PCDH15: variants seen among roughly 807,000 people sequenced by gnomAD.
PCDH15 encodes protocadherin related 15.
Under a neutral mutation model 178.5 loss-of-function variants are expected in PCDH15, and 129 were observed. The ratio of observed to expected loss-of-function variants is 0.72; its 90% CI spans 0.63 to 0.84. PCDH15 has a LOEUF of 0.84. Ranked by LOEUF, PCDH15 falls within the 40% of genes least tolerant of loss-of-function variation. The pLI is 0.00. For missense variants in PCDH15, 2,230 were observed against 2,099.9 expected, an observed-to-expected ratio of 1.06 and a Z score of -1.21; for synonymous variants, 800 against 732.0, an observed-to-expected ratio of 1.09 and a Z score of -1.50.
chr10:54,149,667 T>C (rs2044323593), intron 14 of PCDH15, among the ~76,000 whole-genome samples: 1 of 152,186 alleles, frequency 6.6e-6, no homozygotes, highest in Non-Finnish European at 1.5e-5. Context: ...TGCCTTTTAC[T>C]CAGAGTGAGG....
chr10:55,594,079 T>C (rs1419658648), intron 2 of PCDH15, among the ~76,000 whole-genome samples: 1 of 151,942 alleles, frequency 6.6e-6, no homozygotes, highest in East Asian at 1.9e-4. Context: ...TTCTCTATTC[T>C]TGTCAAATCC....
chr10:54,393,399 T>A (rs1187993139), intron 3 of PCDH15, among the ~76,000 whole-genome samples: 2 of 152,184 alleles, frequency 1.3e-5, no homozygotes, highest in Non-Finnish European at 2.9e-5. Context: ...TTTTTAGCAC[T>A]TACCATATCA....
chr10:55,433,845 A>G (rs1819811003), intron 2 of PCDH15, among the ~76,000 whole-genome samples: 1 of 151,956 alleles, frequency 6.6e-6, no homozygotes, highest in Admixed American at 6.6e-5. Flanking sequence ...TTTTGCTCAT[A>G]TGTACAACCC....
chr10:55,547,123 T>G (rs1841902054), intron 2 of PCDH15, among the ~76,000 whole-genome samples: 1 of 152,152 alleles, frequency 6.6e-6, no homozygotes, highest in African/African-American at 2.4e-5. Context: ...GATCAGTCAC[T>G]GGCAAGGAGC....
chr10:55,490,145 TA>T (rs1197991195), intron 2 of PCDH15, among the ~76,000 whole-genome samples: 4 of 151,760 alleles, frequency 2.6e-5, no homozygotes, highest in African/African-American at 9.7e-5. Flanking sequence ...GAAAGTGTTC[TA>T]TATAATCCTA....
intron 1 of PCDH15, among the ~76,000 whole-genome samples, chr10:55,233,304 T>C (rs1377984988): frequency 6.6e-6 from 1 of 152,142 alleles, no homozygotes; most frequent in Non-Finnish European, 1.5e-5. Flanking sequence ...TTCAGTTTTG[T>C]TTAACCGTGG....
intron 3 of PCDH15, among the ~76,000 whole-genome samples, chr10:54,389,164 AC>A (rs1950244648): frequency 2.6e-5 from 1 of 39,176 alleles, no homozygotes; most frequent in Admixed American, 3.7e-4. Flanking sequence ...ACAAAACAAA[AC>A]AAAAAAAAAC....
intron 37 of PCDH15, chr10:53,808,782 G>A: frequency 6.2e-7 from 1 of 1,612,090 alleles, no homozygotes; most frequent in Non-Finnish European, 8.5e-7. Flanking sequence ...GTACCTGATA[G>A]CCCCATGGAC....
intron 2 of PCDH15, among the ~76,000 whole-genome samples, chr10:55,103,531 G>A (rs1343432269): frequency 6.6e-6 from 1 of 152,124 alleles, no homozygotes; most frequent in Non-Finnish European, 1.5e-5. Flanking sequence ...GTGAAGTCAT[G>A]TATAACATCT....
At chr10:54,821,128 T>C (rs1953031780) in intron 3 of PCDH15, among the ~76,000 whole-genome samples, 1 of 152,086 alleles carries the variant, frequency 6.6e-6, no homozygotes, top group Admixed American at 6.6e-5. Flanking sequence ...AGCCCATGCT[T>C]TCCAGTTGAG....
chr10:53,974,207 G>A (rs181431817), intron 21 of PCDH15, among the ~76,000 whole-genome samples: 27 of 152,160 alleles, frequency 1.8e-4, no homozygotes, highest in African/African-American at 6.3e-4. Context: ...AAGAGACAGG[G>A]TTTCACCATG....
intron 3 of PCDH15, among the ~76,000 whole-genome samples, chr10:54,498,191 C>A (rs756440435): frequency 2.0e-5 from 3 of 152,092 alleles, no homozygotes; most frequent in Non-Finnish European, 4.4e-5. Context: ...CTAAAAATTT[C>A]ATATCCAGCC....
chr10:55,370,257 A>AG (rs1392303923), intron 2 of PCDH15, among the ~76,000 whole-genome samples: 6 of 152,144 alleles, frequency 3.9e-5, no homozygotes, highest in Non-Finnish European at 1.5e-5. Flanking sequence ...ACACTGGCAA[A>AG]GAAAAAACAC....
At chr10:55,273,655 T>C (rs577854031) in intron 1 of PCDH15, among the ~76,000 whole-genome samples, 1 of 152,182 alleles carries the variant, frequency 6.6e-6, no homozygotes, top group East Asian at 1.9e-4. Context: ...TTGGGACATC[T>C]ACTCACTATG....
intron 3 of PCDH15, among the ~76,000 whole-genome samples, chr10:54,830,555 A>G (rs1435550789): frequency 6.8e-5 from 10 of 147,568 alleles, no homozygotes; most frequent in African/African-American, 2.5e-4. Flanking sequence ...GGACACAGGA[A>G]GGGGAACATC....
chr10:54,544,593 A>C (rs569598690), intron 2 of PCDH15, among the ~76,000 whole-genome samples: 1 of 152,282 alleles, frequency 6.6e-6, no homozygotes, highest in East Asian at 1.9e-4. Context: ...TTGTGTTTGC[A>C]TATATCATAC....
At chr10:55,395,933 T>G in intron 2 of PCDH15, among the ~76,000 whole-genome samples, 1 of 152,240 alleles carries the variant, frequency 6.6e-6, no homozygotes, top group East Asian at 1.9e-4. Flanking sequence ...GAGAAATGTT[T>G]ATATTCAATC....
At chr10:55,454,061 G>T (rs1839494016) in intron 2 of PCDH15, among the ~76,000 whole-genome samples, 1 of 152,034 alleles carries the variant, frequency 6.6e-6, no homozygotes, top group African/African-American at 2.4e-5. Flanking sequence ...GAATTTTAAA[G>T]AAATGATTCC....
chr10:55,361,664 AAGAAT>A (rs1453060544), intron 2 of PCDH15, among the ~76,000 whole-genome samples: 1 of 152,088 alleles, frequency 6.6e-6, no homozygotes, highest in Non-Finnish European at 1.5e-5. Context: ...TAGAAGATAA[AAGAAT>A]ATAGGAATGA....
Sources: gnomAD v4.1 joint callset for allele counts (sites outside exome capture counted in the v4.1 genomes callset) on GRCh38, gnomAD v4.1.1 for gene constraint, MANE v1.5 for transcripts, NCBI Gene and HGNC (gene_info 2026-07-23, HGNC 2026-07-21) for gene names.